The following XKR6 variants were observed in gnomAD, a reference collection of about 807,000 sequenced individuals.
XKR6 encodes the protein XK-related protein 6.
XKR6 carries 22 observed loss-of-function variants against 56.7 expected under a neutral mutation model. The ratio of observed to expected loss-of-function variants is 0.39; its 90% CI spans 0.28 to 0.55. The LOEUF (loss-of-function observed/expected upper bound fraction) is 0.55. Ranked by LOEUF, XKR6 falls within the 20% of genes least tolerant of loss-of-function variation. The pLI is 0.66. For synonymous variants in XKR6, 524 were observed against 387.8 expected (o/e 1.35, Z -4.13); for missense variants, 852 against 889.0 (o/e 0.96, Z 0.53).
intron 1 of XKR6, among the ~76,000 whole-genome samples, chr8:11,150,740 C>G (rs1056942824): frequency 4.6e-5 from 7 of 151,490 alleles, no homozygotes; most frequent in African/African-American, 1.7e-4. Context: ...ATAATCCCAG[C>G]TACTCAGGAG....
intron 1 of XKR6, among the ~76,000 whole-genome samples, chr8:10,977,631 C>T (rs1447888814): frequency 6.7e-6 from 1 of 148,774 alleles, no homozygotes; most frequent in Admixed American, 6.8e-5. Flanking sequence ...TGTGACCGCT[C>T]TCAGAGACAG....
intron 1 of XKR6, chr8:11,035,244 C>T (rs771544477): frequency 1.9e-6 from 1 of 534,796 alleles, no homozygotes; most frequent in Non-Finnish European, 3.8e-6. Flanking sequence ...GATGACGTAG[C>T]ACCCCATTTC....
intron 1 of XKR6, among the ~76,000 whole-genome samples, chr8:10,972,615 A>G (rs1307268636): frequency 6.6e-6 from 1 of 152,256 alleles, no homozygotes; most frequent in Non-Finnish European, 1.5e-5. Context: ...CAGTCACAAA[A>G]GGACGAATAC....
At chr8:11,110,760 C>T (rs993047577) in intron 1 of XKR6, among the ~76,000 whole-genome samples, 25 of 152,110 alleles carry the variant, frequency 1.6e-4, no homozygotes, top group African/African-American at 5.8e-4. Flanking sequence ...TTCCAATGGT[C>T]GAGAACACAT....
At chr8:11,183,909 T>C (rs1803127170) in intron 1 of XKR6, among the ~76,000 whole-genome samples, 1 of 152,224 alleles carries the variant, frequency 6.6e-6, no homozygotes, top group Admixed American at 6.5e-5. Flanking sequence ...AGTGTTTATC[T>C]GGAGCATGCT....
At chr8:10,983,204 A>T (rs1797775441) in intron 1 of XKR6, among the ~76,000 whole-genome samples, 1 of 152,152 alleles carries the variant, frequency 6.6e-6, no homozygotes, top group South Asian at 2.1e-4. Flanking sequence ...TGAATCAAAA[A>T]TGTTTTAAAT....
intron 1 of XKR6, among the ~76,000 whole-genome samples, chr8:11,092,801 A>G (rs2129173219): frequency 6.6e-6 from 1 of 152,316 alleles, no homozygotes; most frequent in South Asian, 2.1e-4. Flanking sequence ...TAATCAATAA[A>G]TAGGTTTCTC....
At chr8:11,044,931 T>C (rs552619702) in intron 1 of XKR6, among the ~76,000 whole-genome samples, 50 of 152,074 alleles carry the variant, frequency 3.3e-4, no homozygotes, top group African/African-American at 1.1e-3. Context: ...TTTCTCATTT[T>C]ACAGATGAGA....
At chr8:10,982,149 T>C (rs1474569400) in intron 1 of XKR6, among the ~76,000 whole-genome samples, 4 of 152,258 alleles carry the variant, frequency 2.6e-5, no homozygotes, top group African/African-American at 4.8e-5. Context: ...CTGATGACTT[T>C]CTTATCAGCT....
chr8:11,099,486 G>A (rs1252871814), intron 1 of XKR6, among the ~76,000 whole-genome samples: 1 of 152,228 alleles, frequency 6.6e-6, no homozygotes, highest in African/African-American at 2.4e-5. Flanking sequence ...TGCTGGGCAG[G>A]GCAGCCCTGC....
intron 1 of XKR6, chr8:11,123,672 T>A (rs573882281): frequency 5.6e-6 from 2 of 354,608 alleles, no homozygotes; most frequent in East Asian, 1.5e-4. Flanking sequence ...TATCTTTATG[T>A]ATATATACTT....
chr8:11,044,791 T>C (rs918069433), intron 1 of XKR6, among the ~76,000 whole-genome samples: 5 of 152,096 alleles, frequency 3.3e-5, no homozygotes, highest in East Asian at 1.9e-4. Flanking sequence ...GCTCATTTTT[T>C]GTATTTTTAG....
intron 1 of XKR6, among the ~76,000 whole-genome samples, chr8:11,145,159 TGCTCACTGGA>T (rs1239475350): frequency 6.6e-6 from 1 of 152,130 alleles, no homozygotes; most frequent in African/African-American, 2.4e-5. Flanking sequence ...TCAAAGGAAA[TGCTCACTGGA>T]GCATTTTGGA....
intron 1 of XKR6, among the ~76,000 whole-genome samples, chr8:11,047,334 G>A (rs1799435226): frequency 6.6e-6 from 1 of 152,160 alleles, no homozygotes; most frequent in Non-Finnish European, 1.5e-5. Context: ...GAAACCAGTT[G>A]TAACACAAAA....
intron 2 of XKR6, among the ~76,000 whole-genome samples, chr8:10,915,958 G>C (rs1197590611): frequency 1.3e-5 from 2 of 152,234 alleles, no homozygotes; most frequent in East Asian, 3.8e-4. Context: ...AATTGCTCGA[G>C]GCCAAGGCAC....
intron 1 of XKR6, among the ~76,000 whole-genome samples, chr8:10,953,351 C>G (rs1007828061): frequency 1.3e-5 from 2 of 152,122 alleles, no homozygotes; most frequent in Admixed American, 1.3e-4. Context: ...CACCTTCTTT[C>G]TCTTGCTCCT....
chr8:11,008,013 G>C (rs757963559), intron 1 of XKR6, among the ~76,000 whole-genome samples: 1 of 152,160 alleles, frequency 6.6e-6, no homozygotes, highest in African/African-American at 2.4e-5. Context: ...GAGAAGACAG[G>C]GAAGCAGGCG....
At position 11,052,505 on chromosome 8, in the gene XKR6, G is replaced by A. The variant is rs370009754; in HGVS notation, c.765-127675C>T. Among the ~76,000 whole-genome samples the A allele has an allele frequency of 4.2e-3, 643 of 152,316 alleles. 10 individuals carry two copies. The highest frequency in any genetic ancestry group is 0.015 in the African/African-American group (616 of 41,572). On this transcript the variant is annotated intron_variant, in intron 1 of 2. Transcript: ENST00000416569. Reference sequence around the variant, plus strand: ...GCATCTGGCATGCAGATGGCGCGAGGTAAGGCTCTGTTGAATGGGTGAGTT... The same window carrying A: ...GCATCTGGCATGCAGATGGCGCGAGATAAGGCTCTGTTGAATGGGTGAGTT...
At chr8:10,978,861 G>T (rs117169776) in intron 1 of XKR6, among the ~76,000 whole-genome samples, 7,065 of 152,228 alleles carry the variant, frequency 0.046, 246 homozygotes, top group Non-Finnish European at 0.071. Flanking sequence ...TGGCCTGTGG[G>T]CAGGGCCACA....
Sources: gnomAD v4.1 joint callset for allele counts (sites outside exome capture counted in the v4.1 genomes callset) on GRCh38, gnomAD v4.1.1 for gene constraint, MANE v1.5 for transcripts, NCBI Gene and HGNC (gene_info 2026-07-23, HGNC 2026-07-21) for gene names.